Variants in INPP5B observed in about 807,000 individuals in gnomAD.
INPP5B encodes inositol polyphosphate-5-phosphatase B.
In INPP5B, 90 loss-of-function variants were observed where a neutral mutation model predicts 118.5. The observed-to-expected ratio is 0.76, with a 90% CI of 0.64 to 0.90. The LOEUF is 0.90. Among genes scored for constraint, INPP5B ranks in the 40% least tolerant of loss-of-function variants. The probability of loss-of-function intolerance (pLI) is 0.00; values close to 1 mark genes in which losing one functional copy is unlikely to be tolerated. For missense variants in INPP5B, 984 were observed against 1,125.6 expected, an observed-to-expected ratio of 0.87 and a Z score of 1.80; for synonymous variants, 385 against 418.9, an observed-to-expected ratio of 0.92 and a Z score of 0.99.
chr1:37,869,459 T>TTTTA (rs200339798), intron 19 of INPP5B, among the ~76,000 whole-genome samples: 97 of 151,400 alleles, frequency 6.4e-4, no homozygotes, highest in African/African-American at 1.7e-3. Context: ...GGTCCACTGT[T>TTTTA]TTTATTTATT....
intron 14 of INPP5B, among the ~76,000 whole-genome samples, chr1:37,881,374 G>A (rs781779653): frequency 2.0e-5 from 3 of 152,078 alleles, no homozygotes; most frequent in Admixed American, 6.6e-5. Context: ...TTTTAGGAGC[G>A]CCTTCCAGAT....
intron 13 of INPP5B, chr1:37,884,350 CCT>C (rs1643387427): frequency 1.3e-5 from 2 of 151,586 alleles, no homozygotes; most frequent in Non-Finnish European, 2.9e-5. Context: ...TTTCTTTTCT[CCT>C]CTCTTTGTCT....
chr1:37,931,938 C>G lies in INPP5B; in HGVS notation c.507G>C (p.Trp169Cys), dbSNP rs1459748033. 1.9e-6 allele frequency: 3 copies of G among 1,614,084 alleles called. No individual in the cohort carries two copies. The highest frequency in any genetic ancestry group is 1.7e-6 in the Non-Finnish European group (2 of 1,180,036). ...PRGCNSALVTWPGYATIGGGG... is the reference protein window; with the variant it reads ...PRGCNSALVTCPGYATIGGGG... ...CTCCGCCAATTGTCGCGTACCCTGG[C>G]CAGGTAACTAGGGCCGAGTTACAAC... Residue 169 changes from tryptophan (W) to cysteine (C), a missense_variant, in exon 7 of 24, where the codon TGG (tryptophan) becomes TGC (cysteine). Physicochemically the swap from Trp to Cys is radical, Grantham distance 215. Around this residue, in one of 2 missense-constraint regions of INPP5B, gnomAD observed 350 missense variants for 334.6 expected, o/e 1.05. Coordinates refer to ENST00000373024, the MANE Select transcript of INPP5B (RefSeq NM_005540.3).
chr1:37,912,077 C>T (rs561809303), intron 7 of INPP5B, among the ~76,000 whole-genome samples: 1 of 152,334 alleles, frequency 6.6e-6, no homozygotes, highest in African/African-American at 2.4e-5. Flanking sequence ...TCTTCCAGTC[C>T]TCCAGCAGGC....
chr1:37,894,746 G>C (rs1643960984), intron 7 of INPP5B, among the ~76,000 whole-genome samples: 1 of 152,042 alleles, frequency 6.6e-6, no homozygotes, highest in African/African-American at 2.4e-5. Context: ...ATTTTTGGTA[G>C]AGACGGGTTT....
chr1:37,911,389 G>C (rs1644693508), intron 7 of INPP5B, among the ~76,000 whole-genome samples: 1 of 152,074 alleles, frequency 6.6e-6, no homozygotes, highest in Non-Finnish European at 1.5e-5. Context: ...TGATCCCCAT[G>C]ACTGTATCTC....
At chr1:37,886,000 A>G (rs959208951) in intron 12 of INPP5B, among the ~76,000 whole-genome samples, 175 bp from the exon 13 acceptor site, 1 of 152,090 alleles carries the variant, frequency 6.6e-6, no homozygotes, top group Non-Finnish European at 1.5e-5. Flanking sequence ...CAAGATGGTG[A>G]AACCCCGTCT....
At chr1:37,939,141 C>T (rs1414205657) in intron 6 of INPP5B, among the ~76,000 whole-genome samples, 1 of 149,482 alleles carries the variant, frequency 6.7e-6, no homozygotes, top group Non-Finnish European at 1.5e-5. Flanking sequence ...TTGCAGCGAG[C>T]CAAGGTCGTA....
At chr1:37,918,576 G>A (rs1644950946) in intron 7 of INPP5B, among the ~76,000 whole-genome samples, 1 of 152,100 alleles carries the variant, frequency 6.6e-6, no homozygotes, top group African/African-American at 2.4e-5. Flanking sequence ...TATATAATGT[G>A]TCTGGCACTT....
intron 7 of INPP5B, among the ~76,000 whole-genome samples, chr1:37,913,724 T>C (rs1264107368): frequency 6.6e-6 from 1 of 152,160 alleles, no homozygotes; most frequent in Non-Finnish European, 1.5e-5. Context: ...CTAAAAAATT[T>C]TCGCCACCCC....
chr1:37,915,133 G>A (rs576390684), intron 7 of INPP5B, among the ~76,000 whole-genome samples: 1 of 152,244 alleles, frequency 6.6e-6, no homozygotes, highest in South Asian at 2.1e-4. Flanking sequence ...ACTCTCACAT[G>A]CCTCACTAAA....
At chr1:37,931,615 G>C (rs1645463718) in intron 7 of INPP5B, 1 of 1,536,210 alleles carries the variant, frequency 6.5e-7, no homozygotes, top group Non-Finnish European at 8.7e-7. Context: ...CCCGAGGGCC[G>C]GGCGCACCGC....
intron 20 of INPP5B, among the ~76,000 whole-genome samples, chr1:37,868,005 G>A (rs920224281): frequency 6.6e-6 from 1 of 152,154 alleles, no homozygotes; most frequent in East Asian, 1.9e-4. Flanking sequence ...CCTATGCAAC[G>A]CTGCTTCCCT....
intron 5 of INPP5B, among the ~76,000 whole-genome samples, chr1:37,941,066 A>C (rs936698680): frequency 2.6e-5 from 4 of 152,160 alleles, no homozygotes; most frequent in African/African-American, 9.7e-5. Flanking sequence ...GAACTGGGAA[A>C]GAACAGGTTC....
intron 7 of INPP5B, chr1:37,931,627 GC>G (rs1382911770): frequency 2.6e-6 from 4 of 1,533,986 alleles, no homozygotes; most frequent in Non-Finnish European, 1.7e-6. Flanking sequence ...GCGCACCGCC[GC>G]CCCCGGCCCA....
intron 7 of INPP5B, among the ~76,000 whole-genome samples, chr1:37,909,068 AAT>A (rs931313173): frequency 1.4e-4 from 21 of 152,166 alleles, no homozygotes; most frequent in Admixed American, 6.6e-4. Flanking sequence ...ATAGCCAGAA[AAT>A]GACACTTTCG....
intron 7 of INPP5B, among the ~76,000 whole-genome samples, chr1:37,904,470 A>T (rs550686878): frequency 6.6e-6 from 1 of 152,356 alleles, no homozygotes; most frequent in South Asian, 2.1e-4. Context: ...TCTGTGTGTG[A>T]ACATACTGGC....
At chr1:37,895,479 C>T (rs1643994552) in intron 7 of INPP5B, among the ~76,000 whole-genome samples, 1 of 151,780 alleles carries the variant, frequency 6.6e-6, no homozygotes, top group South Asian at 2.1e-4. Flanking sequence ...AATAAAATCC[C>T]TCTCCCTCTC....
At chr1:37,945,930 C>A in intron 2 of INPP5B, 80 bp from the exon 3 acceptor site, 1 of 1,304,386 alleles carries the variant, frequency 7.7e-7, no homozygotes, top group African/African-American at 1.5e-5. Flanking sequence ...CCTCTGTTCC[C>A]CTGCCCCCCC....
Sources: gnomAD v4.1 joint callset for allele counts (sites outside exome capture counted in the v4.1 genomes callset) on GRCh38, gnomAD v4.1.1 for gene constraint, gnomAD v4.1.1 regional missense constraint, MANE v1.5 for transcripts, NCBI Gene and HGNC (gene_info 2026-07-23, HGNC 2026-07-21) for gene names.